PER3: variants seen among roughly 807,000 people sequenced by gnomAD.
PER3 encodes the protein period circadian regulator 3.
In PER3, 107 loss-of-function variants were observed where a neutral mutation model predicts 127.2. The observed-to-expected ratio is 0.84, with a 90% CI of 0.72 to 0.99. The LOEUF is 0.99. Ranked by LOEUF, PER3 falls within the 50% of genes least tolerant of loss-of-function variation. The pLI is 0.00. For synonymous variants in PER3, 618 were observed against 585.8 expected (o/e 1.05, Z -0.79); for missense variants, 1,560 against 1,525.8 (o/e 1.02, Z -0.37).
At chr1:7,785,772 A>C (rs961693769) in intron 3 of PER3, among the ~76,000 whole-genome samples, 186 bp downstream of exon 3, 26 of 152,240 alleles carry the variant, frequency 1.7e-4, no homozygotes, top group Non-Finnish European at 3.2e-4. Context: ...AAGACCAGGA[A>C]AACTTTATCT....
At chr1:7,823,437 G>A (rs2151077488) in intron 16 of PER3, among the ~76,000 whole-genome samples, 1 of 152,344 alleles carries the variant, frequency 6.6e-6, no homozygotes, top group East Asian at 1.9e-4. Flanking sequence ...GAGGTCAGGA[G>A]TTTGAGACCA....
intron 8 of PER3, among the ~76,000 whole-genome samples, chr1:7,802,700 A>C (rs2097175764): frequency 6.6e-6 from 1 of 152,238 alleles, no homozygotes; most frequent in African/African-American, 2.4e-5. Context: ...CATAAACATA[A>C]TTATGGAGGG....
chr1:7,832,203 T>C (rs1211907009), intron 19 of PER3, among the ~76,000 whole-genome samples: 21 of 152,062 alleles, frequency 1.4e-4, no homozygotes. Context: ...TTAATGTCTG[T>C]AGGTTTTATA....
intron 8 of PER3, among the ~76,000 whole-genome samples, 165 bp from the exon 9 acceptor site, chr1:7,802,882 T>G (rs2150709319): frequency 6.6e-6 from 1 of 152,274 alleles, no homozygotes; most frequent in African/African-American, 2.4e-5. Flanking sequence ...TACAGCCATT[T>G]CCCCCAGGAT....
intron 3 of PER3, among the ~76,000 whole-genome samples, chr1:7,786,241 C>CAA: frequency 1.3e-5 from 2 of 152,168 alleles, no homozygotes; most frequent in Admixed American, 1.3e-4. Flanking sequence ...GGTGACAGAG[C>CAA]GAGACTCTGT....
chr1:7,786,866 C>A, intron 4 of PER3, 30 bp downstream of exon 4: 1 of 1,304,206 alleles, frequency 7.7e-7, no homozygotes, highest in Non-Finnish European at 1.1e-6. Flanking sequence ...GCCATATCAA[C>A]CTGGGTGACT....
At chr1:7,803,355 G>A (rs909496070) in intron 9 of PER3, among the ~76,000 whole-genome samples, 3 of 150,340 alleles carry the variant, frequency 2.0e-5, no homozygotes, top group African/African-American at 7.3e-5. Context: ...TTGGGAGGCC[G>A]AGGTGGGCGA....
intron 12 of PER3, 112 bp from the exon 13 acceptor site, chr1:7,810,326 C>A: frequency 1.3e-6 from 1 of 788,000 alleles, no homozygotes; most frequent in African/African-American, 1.7e-5. Flanking sequence ...GATTACTGTG[C>A]TTCAGTCATT....
Position 7,786,725 on chromosome 1 carries a change from CAGTG to C in PER3, c.283_286del (p.Glu95PhefsTer15), listed in dbSNP as rs750554934. 1.3e-4 allele frequency: 209 copies of C among 1,564,350 alleles called. 1 individual carries two copies. Among genetic ancestry groups the C allele is most frequent in the Non-Finnish European group, 1.8e-4 (204 of 1,134,684 alleles). On this transcript the variant is annotated frameshift_variant, in exon 4 of 22. Coordinates refer to ENST00000377532, the MANE Select transcript of PER3 (RefSeq NM_001377275.1). LOFTEE classifies it high-confidence loss of function. The stretch of plus-strand genomic sequence containing the variant: ...TTATCTCCCTGTGTTTCTTAGCAAA[CAGTG>C]AGTTTTTCCAGATTCTCAGTCAGAA...
chr1:7,807,145 C>T (rs996563706), intron 10 of PER3, among the ~76,000 whole-genome samples: 23 of 152,044 alleles, frequency 1.5e-4, no homozygotes, highest in Admixed American at 4.6e-4. Flanking sequence ...TACCTCACCC[C>T]GTGGCACTTA....
chr1:7,803,707 G>A lies in PER3; in HGVS notation c.995G>A (p.Gly332Glu). The A allele has an allele frequency of 6.2e-7, 1 of 1,600,716 alleles. No homozygotes were observed. The highest frequency in any genetic ancestry group is 8.6e-7 in the Non-Finnish European group (1 of 1,168,446). The change falls in exon 10 of 22, where the codon GGG becomes GAG. Residue 332 changes from glycine (G) to glutamate (E), a missense_variant. Gly to Glu is a moderately conservative substitution (Grantham distance 98, BLOSUM62 -2). Coordinates refer to ENST00000377532, the MANE Select transcript of PER3 (RefSeq NM_001377275.1). ...AIHQKVLKYA[G>E]HPPFEHSPIR... Reference sequence around the variant, plus strand: ...TTTTATATAGTTTTGAAGTATGCAGGGCATCCTCCCTTTGAACATTCTCCC... The same window carrying A: ...TTTTATATAGTTTTGAAGTATGCAGAGCATCCTCCCTTTGAACATTCTCCC...
At chr1:7,827,920 G>C (rs567411572) in intron 18 of PER3, 105 bp downstream of exon 18, 3 of 815,756 alleles carry the variant, frequency 3.7e-6, no homozygotes, top group South Asian at 1.7e-5. Context: ...TAGGTAATCC[G>C]CGTGGCTACT....
intron 4 of PER3, chr1:7,787,437 T>G (rs183818582): frequency 2.2e-6 from 1 of 454,210 alleles, no homozygotes; most frequent in Non-Finnish European, 4.3e-6. Flanking sequence ...CCTAGTATTA[T>G]AACAGTGCTT....
chr1:7,823,657 A>T (rs886466775), intron 16 of PER3, among the ~76,000 whole-genome samples: 1 of 152,194 alleles, frequency 6.6e-6, no homozygotes, highest in Non-Finnish European at 1.5e-5. Context: ...CTCAAAAAAA[A>T]AAAAGCTATG....
At chr1:7,839,530 T>G (rs563021948) in intron 21 of PER3, among the ~76,000 whole-genome samples, 2 of 152,356 alleles carry the variant, frequency 1.3e-5, no homozygotes, top group East Asian at 3.9e-4. Flanking sequence ...ACTGTCAGTG[T>G]CCTTTCATTT....
intron 10 of PER3, among the ~76,000 whole-genome samples, chr1:7,806,926 T>C (rs1339499137): frequency 6.6e-6 from 1 of 151,442 alleles, no homozygotes; most frequent in Non-Finnish European, 1.5e-5. Flanking sequence ...CAATCTGTTC[T>C]ATTTCCATTT....
chr1:7,808,780 A>G (rs1577770600), intron 10 of PER3, 113 bp from the exon 11 acceptor site: 1 of 658,960 alleles, frequency 1.5e-6, no homozygotes, highest in African/African-American at 1.9e-5. Flanking sequence ...TTTTCTTTGG[A>G]GTCAAAGAAT....
Position 7,841,484 on chromosome 1 carries a change from G to C in PER3, c.3550-1188G>C, listed in dbSNP as rs549771355. ...GGAATACGTGCCTTGTCCAAGGTCA[G>C]GGATGGGTAGTTGCTGCTGTGCTTC... On this transcript the variant is annotated intron_variant, in intron 21 of 21. Transcript: ENST00000377532. Among the ~76,000 whole-genome samples the C allele has an allele frequency of 5.6e-4, 86 of 152,292 alleles. 1 individual carries two copies. The highest frequency in any genetic ancestry group is 1.9e-3 in the African/African-American group (79 of 41,554).
At chr1:7,808,840 C>T (rs546733359) in intron 10 of PER3, 53 bp from the exon 11 acceptor site, 3 of 946,820 alleles carry the variant, frequency 3.2e-6, no homozygotes, top group South Asian at 2.7e-5. Context: ...TTAAAAATCA[C>T]TTTCGACTTC....
Sources: gnomAD v4.1 joint callset for allele counts (sites outside exome capture counted in the v4.1 genomes callset) on GRCh38, gnomAD v4.1.1 for gene constraint, MANE v1.5 for transcripts, NCBI Gene and HGNC (gene_info 2026-07-23, HGNC 2026-07-21) for gene names.